The following ACAT2 variants were observed in gnomAD, a reference collection of about 807,000 sequenced individuals.
The protein encoded by ACAT2 is acetyl-CoA acetyltransferase, cytosolic.
ACAT2 carries 26 observed loss-of-function variants against 37.1 expected under a neutral mutation model. The ratio of observed to expected loss-of-function variants is 0.70; its 90% confidence interval spans 0.51 to 0.97. The LOEUF (loss-of-function observed/expected upper bound fraction) is 0.97. Among genes scored for constraint, ACAT2 ranks in the 50% least tolerant of loss-of-function variants. The pLI is 0.00. For synonymous variants in ACAT2, 156 were observed against 163.6 expected (o/e 0.95, Z 0.35); for missense variants, 468 against 489.0 (o/e 0.96, Z 0.40).
intron 6 of ACAT2, among the ~76,000 whole-genome samples, chr6:159,776,685 A>G (rs1780420503): frequency 6.6e-6 from 1 of 152,190 alleles, no homozygotes; most frequent in South Asian, 2.1e-4. Flanking sequence ...CAGTTTATCT[A>G]CCTTTGTATT....
intron 6 of ACAT2, 133 bp downstream of exon 6, chr6:159,776,405 G>A: frequency 1.7e-6 from 2 of 1,159,690 alleles, no homozygotes; most frequent in Non-Finnish European, 2.3e-6. Context: ...CCAGGTTCGT[G>A]TGCAGCAATA....
intron 4 of ACAT2, among the ~76,000 whole-genome samples, chr6:159,769,625 TC>T (rs1780305784): frequency 6.6e-6 from 1 of 152,240 alleles, no homozygotes; most frequent in African/African-American, 2.4e-5. Context: ...TTTATGTATG[TC>T]AGGTTTTGAC....
intron 4 of ACAT2, among the ~76,000 whole-genome samples, chr6:159,769,994 C>T (rs922907554): frequency 6.6e-6 from 1 of 152,150 alleles, no homozygotes; most frequent in African/African-American, 2.4e-5. Flanking sequence ...TCTGGACAAG[C>T]GAGTGGAAAC....
intron 2 of ACAT2, among the ~76,000 whole-genome samples, 187 bp from the exon 3 acceptor site, chr6:159,766,818 T>C (rs1780262481): frequency 6.6e-6 from 1 of 152,130 alleles, no homozygotes; most frequent in Non-Finnish European, 1.5e-5. Context: ...AGGCAGTATA[T>C]ATTCAAGGGC....
Position 159,778,257 on chromosome 6 carries a change from G to A in ACAT2, c.1000G>A (p.Glu334Lys), listed in dbSNP as rs199875812. The change falls in exon 8 of 9, where the codon GAA becomes AAA. Residue 334 changes from glutamate to lysine, a missense_variant. By Grantham distance (56) the Glu-to-Lys change is moderately conservative. Coordinates refer to ENST00000367048, the MANE Select transcript of ACAT2 (RefSeq NM_005891.3). The part of the protein sequence containing the change: ...FAAVSAAIVK[E>K]LGLNPEKVNI... Reference sequence around the variant, plus strand: ...AGCTGTCTCTGCTGCAATAGTTAAAGAACTTGGATTAAACCCAGAGAAGGT... The same window carrying A: ...AGCTGTCTCTGCTGCAATAGTTAAAAAACTTGGATTAAACCCAGAGAAGGT... 7.5e-6 allele frequency: 12 copies of A among 1,609,954 alleles called. No individual in the cohort carries two copies. Among genetic ancestry groups the A allele is most frequent in the South Asian group, 1.1e-5 (1 of 90,698 alleles).
At chr6:159,777,548 C>G in intron 7 of ACAT2, 92 bp downstream of exon 7, 2 of 1,356,142 alleles carry the variant, frequency 1.5e-6, no homozygotes, top group Non-Finnish European at 9.9e-7. Context: ...CTTTCCCTAC[C>G]AGAAGAGTAA....
intron 2 of ACAT2, among the ~76,000 whole-genome samples, chr6:159,763,355 C>T (rs1184726660): frequency 6.6e-6 from 1 of 151,898 alleles, no homozygotes; most frequent in Non-Finnish European, 1.5e-5. Context: ...AAGTTTGAGA[C>T]TAGCCTGGGC....
At chr6:159,763,838 A>G (rs2114974782) in intron 2 of ACAT2, among the ~76,000 whole-genome samples, 2 of 150,662 alleles carry the variant, frequency 1.3e-5, no homozygotes, top group East Asian at 4.0e-4. Context: ...CCGGTGGCTC[A>G]CGCCTGTAAT....
Position 159,775,330 on chromosome 6 carries a change from G to T in ACAT2, c.634+17G>T. On this transcript the variant is annotated intron_variant, in intron 5 of 8. Coordinates refer to ENST00000367048, the MANE Select transcript of ACAT2 (RefSeq NM_005891.3). ...CTAGAAAAGGTGAGTATATCATAGT[G>T]GTTTAAACATCAACCTATTTATAGG... 6.2e-7 allele frequency: 1 copy of T among 1,610,602 alleles called. No homozygotes were observed. The highest frequency in any genetic ancestry group is 8.5e-7 in the Non-Finnish European group (1 of 1,178,064).
rs146534828 is a variant in ACAT2, at chr6:159,771,066, A to AAAATTAAATTAAATTAAATT, written c.490+2447_490+2466dup. ...GGTAACAAACAAAACTCTGTCTCAA[A>AAAATTAAATTAAATTAAATT]AAATTAAATTAAATTAAATTAAATT... On this transcript the variant is annotated intron_variant, in intron 4 of 8. Coordinates refer to ENST00000367048, the MANE Select transcript of ACAT2 (RefSeq NM_005891.3). Among the ~76,000 whole-genome samples the AAAATTAAATTAAATTAAATT allele has an allele frequency of 7.9e-3, 1,178 of 149,856 alleles. 16 individuals carry two copies. Among genetic ancestry groups the AAAATTAAATTAAATTAAATT allele is most frequent in the African/African-American group, 0.027 (1,083 of 40,536 alleles).
At chr6:159,769,520 GAAAA>G (rs1307849336) in intron 4 of ACAT2, among the ~76,000 whole-genome samples, 3 of 152,116 alleles carry the variant, frequency 2.0e-5, no homozygotes, top group Admixed American at 6.6e-5. Context: ...AAAAAGAAAA[GAAAA>G]AAGGCTCAGG....
chr6:159,772,499 G>A (rs1780353283), intron 4 of ACAT2, among the ~76,000 whole-genome samples: 3 of 152,150 alleles, frequency 2.0e-5, no homozygotes, highest in South Asian at 4.1e-4. Context: ...AATGGTGCTG[G>A]AATAACAGAT....
intron 4 of ACAT2, among the ~76,000 whole-genome samples, chr6:159,772,597 A>T (rs1780354428): frequency 6.6e-6 from 1 of 152,334 alleles, no homozygotes; most frequent in African/African-American, 2.4e-5. Flanking sequence ...TAAAAATAAA[A>T]GCAAAAAATG....
At chr6:159,764,421 GTAAT>G (rs916119549) in intron 2 of ACAT2, among the ~76,000 whole-genome samples, 8 of 151,734 alleles carry the variant, frequency 5.3e-5, no homozygotes, top group Admixed American at 1.3e-4. Flanking sequence ...TTGAACACTC[GTAAT>G]TAATTAATTA....
In ACAT2 at chr6:159,767,115, C is replaced by T; in HGVS notation, c.301C>T (p.Leu101Phe). ...TGGGTCAGGCCTAAAAGCTGTGTGC[C>T]TTGCAGTCCAGTCAATAGGGATAGG... ...ICGSGLKAVC[L>F]AVQSIGIGDS... The change falls in exon 3 of 9, where the codon CTT (leucine) becomes TTT (phenylalanine). Residue 101 changes from leucine (L) to phenylalanine (F), a missense_variant. By Grantham distance (22) the Leu-to-Phe change is conservative. Coordinates refer to ENST00000367048, the MANE Select transcript of ACAT2 (RefSeq NM_005891.3). 1 of 1,614,202 alleles carries T rather than the reference C, an allele frequency of 6.2e-7. No homozygotes were observed.
intron 8 of ACAT2, 80 bp from the exon 9 acceptor site, chr6:159,778,579 T>G: frequency 6.7e-7 from 1 of 1,483,074 alleles, no homozygotes; most frequent in Non-Finnish European, 9.2e-7. Context: ...GCTGATACAT[T>G]AAGAGGAAAA....
chr6:159,777,488 T>C (rs1554268347), intron 7 of ACAT2, 32 bp downstream of exon 7: 2 of 1,593,176 alleles, frequency 1.3e-6, no homozygotes, highest in Admixed American at 3.6e-5. Context: ...TTTATGAAAT[T>C]TGTCTTCCTG....
At chr6:159,772,097 T>C (rs9347342) in intron 4 of ACAT2, among the ~76,000 whole-genome samples, 106,629 of 151,970 alleles carry the variant, frequency 0.7, 38,321 homozygotes, top group South Asian at 0.78. Context: ...TTGCAGCAGG[T>C]GCCTGTAGTC....
chr6:159,767,767 G>A (rs1402359380), intron 3 of ACAT2, among the ~76,000 whole-genome samples: 1 of 152,188 alleles, frequency 6.6e-6, no homozygotes, highest in African/African-American at 2.4e-5. Flanking sequence ...AGATTCCCTA[G>A]ATAGAAGCTG....
Sources: gnomAD v4.1 joint callset for allele counts (sites outside exome capture counted in the v4.1 genomes callset) on GRCh38, gnomAD v4.1.1 for gene constraint, MANE v1.5 for transcripts, NCBI Gene and HGNC (gene_info 2026-07-23, HGNC 2026-07-21) for gene names.